EPB41L4A: variants seen among roughly 807,000 people sequenced by gnomAD.
The protein encoded by EPB41L4A is erythrocyte membrane protein band 4.1 like 4A.
Under a neutral mutation model 108.6 loss-of-function variants are expected in EPB41L4A, and 100 were observed. The observed-to-expected ratio is 0.92, with a 90% CI of 0.78 to 1.09. The LOEUF is 1.09. EPB41L4A is among the 50% of genes least tolerant of loss of function. The pLI is 0.00. For synonymous variants in EPB41L4A, 319 were observed against 289.0 expected, an observed-to-expected ratio of 1.10 and a Z score of -1.05; for missense variants, 1,030 against 842.7, an observed-to-expected ratio of 1.22 and a Z score of -2.75.
chr5:112,174,704 C>T (rs909824089), intron 18 of EPB41L4A, among the ~76,000 whole-genome samples: 6 of 152,034 alleles, frequency 3.9e-5, no homozygotes. Flanking sequence ...ATGGGCAATA[C>T]ATTATCCAGT....
intron 1 of EPB41L4A, among the ~76,000 whole-genome samples, chr5:112,368,341 C>T (rs1561614405): frequency 6.6e-6 from 1 of 152,262 alleles, no homozygotes; most frequent in East Asian, 1.9e-4. Flanking sequence ...TGTGACGCCA[C>T]TCCCTCCCAC....
chr5:112,275,309 CAA>C lies in EPB41L4A; in HGVS notation c.335+15_335+16del. 2.6e-6 allele frequency: 4 copies of C among 1,530,682 alleles called. No individual in the cohort carries two copies. The highest frequency in any genetic ancestry group is 3.5e-6 in the Non-Finnish European group (4 of 1,134,040). The allele number at this position is 1,530,682 out of a possible 1,614,324, so 94.8% of individuals were successfully genotyped here. A position where few individuals can be genotyped will look rare whatever the true frequency, so the allele number is the denominator to read the frequency against. On this transcript the variant is annotated intron_variant, in intron 4 of 22. Transcript: ENST00000261486. Reference sequence around the variant, plus strand: ...TGCAATGCATGTATCTGTTCAAAAACAAAGTCAATACTATACCTGGTTATTTC... The same window carrying C: ...TGCAATGCATGTATCTGTTCAAAAACAGTCAATACTATACCTGGTTATTTC...
At chr5:112,393,444 CA>C (rs934834179) in intron 1 of EPB41L4A, among the ~76,000 whole-genome samples, 1 of 152,170 alleles carries the variant, frequency 6.6e-6, no homozygotes, top group African/African-American at 2.4e-5. Flanking sequence ...AAACTACCAT[CA>C]AAGAATACTA....
intron 1 of EPB41L4A, among the ~76,000 whole-genome samples, chr5:112,414,388 CG>C (rs1762583144): frequency 6.6e-6 from 1 of 152,146 alleles, no homozygotes; most frequent in Admixed American, 6.5e-5. Flanking sequence ...TGGTTCTCAA[CG>C]GAGGGTGATT....
intron 1 of EPB41L4A, among the ~76,000 whole-genome samples, chr5:112,355,616 C>T (rs1278486023): frequency 6.6e-6 from 1 of 152,132 alleles, no homozygotes; most frequent in Non-Finnish European, 1.5e-5. Flanking sequence ...AATACTCTTC[C>T]GAACCCTCTC....
chr5:112,373,208 G>C (rs534259108), intron 1 of EPB41L4A, among the ~76,000 whole-genome samples: 266 of 152,282 alleles, frequency 1.7e-3, no homozygotes, highest in African/African-American at 6.1e-3. Flanking sequence ...CTGGCCTGGG[G>C]CAAGCCTTAT....
At chr5:112,312,633 C>G (rs561303457) in intron 1 of EPB41L4A, among the ~76,000 whole-genome samples, 1 of 152,182 alleles carries the variant, frequency 6.6e-6, no homozygotes, top group African/African-American at 2.4e-5. Context: ...TATGATAAGA[C>G]TTAGAGAGCA....
At chr5:112,401,436 T>C (rs569867546) in intron 1 of EPB41L4A, among the ~76,000 whole-genome samples, 137 of 152,376 alleles carry the variant, frequency 9.0e-4, no homozygotes, top group South Asian at 1.4e-3. Context: ...TAATTCTCAA[T>C]GTTCTCTCAT....
At chr5:112,271,478 T>C (rs1752259560) in intron 4 of EPB41L4A, among the ~76,000 whole-genome samples, 1 of 152,204 alleles carries the variant, frequency 6.6e-6, no homozygotes. Flanking sequence ...ATTGCACGGA[T>C]GAAAAAACTG....
At position 112,204,485 on chromosome 5, in the gene EPB41L4A, T is replaced by A. The variant is rs769217097; in HGVS notation, c.1266A>T (p.Gly422=). The A allele has an allele frequency of 6.2e-7, 1 of 1,607,308 alleles. No individual in the cohort carries two copies. Among genetic ancestry groups the A allele is most frequent in the Admixed American group, 1.7e-5 (1 of 59,904 alleles). ...APWEENGPQS[G]LYNSPSDRTK... is the part of the protein sequence containing the mutation. The stretch of plus-strand genomic sequence containing the variant: ...TGCGATCACTGGGAGAATTGTAGAG[T>A]CCACTGGAGAGAAAGAAAAATGGTC... The change falls in exon 15 of 23, where the codon GGA becomes GGT. Residue 422 remains glycine, a synonymous_variant. Transcript: ENST00000261486.
chr5:112,372,181 T>C (rs1434055192), intron 1 of EPB41L4A, among the ~76,000 whole-genome samples: 2 of 152,226 alleles, frequency 1.3e-5, no homozygotes, highest in Non-Finnish European at 2.9e-5. Flanking sequence ...CAATTCTGCA[T>C]GGCTAGGAAG....
At chr5:112,366,297 G>GA (rs397932986) in intron 1 of EPB41L4A, among the ~76,000 whole-genome samples, 33,261 of 142,468 alleles carry the variant, frequency 0.23, 3,688 homozygotes, top group East Asian at 0.25. Context: ...ATCATTTTTA[G>GA]AAAAAAAAAA....
chr5:112,204,668 A>T (rs1249030505), intron 14 of EPB41L4A, 180 bp from the exon 15 acceptor site: 1 of 469,974 alleles, frequency 2.1e-6, no homozygotes, highest in African/African-American at 1.9e-5. Flanking sequence ...CTGGCAAATC[A>T]AATCATAAAG....
chr5:112,155,584 C>T (rs1201521307), intron 12 of EPB41L4A, among the ~76,000 whole-genome samples: 1 of 152,014 alleles, frequency 6.6e-6, no homozygotes, highest in Non-Finnish European at 1.5e-5. Flanking sequence ...CATATTTCTT[C>T]CCCACCACCA....
intron 1 of EPB41L4A, among the ~76,000 whole-genome samples, chr5:112,397,942 C>A (rs1466176497): frequency 6.6e-6 from 1 of 152,170 alleles, no homozygotes. Context: ...AAACATGTGG[C>A]CCCACATATC....
intron 2 of EPB41L4A, among the ~76,000 whole-genome samples, chr5:112,294,221 T>G (rs1272925217): frequency 2.0e-5 from 3 of 152,164 alleles, no homozygotes; most frequent in Non-Finnish European, 1.5e-5. Context: ...AAATGTAAGT[T>G]AAATCTGGTT....
At chr5:112,292,129 A>G (rs189116656) in intron 2 of EPB41L4A, among the ~76,000 whole-genome samples, 3 of 152,308 alleles carry the variant, frequency 2.0e-5, no homozygotes, top group African/African-American at 7.2e-5. Flanking sequence ...CCCTGGAAAT[A>G]AACTCCTTGA....
At chr5:112,177,642 G>C (rs1172705487) in intron 18 of EPB41L4A, among the ~76,000 whole-genome samples, 4 of 151,966 alleles carry the variant, frequency 2.6e-5, no homozygotes, top group African/African-American at 7.3e-5. Flanking sequence ...TTTAATACGA[G>C]GCTTCTAACA....
downstream of EPB41L4A, chr5:112,161,855 T>A (rs1300658156): frequency 3.5e-6 from 1 of 288,026 alleles, no homozygotes; most frequent in Admixed American, 4.8e-5. Flanking sequence ...CTAGTGAGTT[T>A]TAATGTCAGT....
Sources: allele counts gnomAD v4.1 joint callset (sites outside exome capture counted in the v4.1 genomes callset), GRCh38; gene constraint gnomAD v4.1.1; transcripts MANE v1.5; gene names NCBI Gene and HGNC (gene_info 2026-07-23, HGNC 2026-07-21).